SPATA13: variants seen among roughly 807,000 people sequenced by gnomAD.
The protein encoded by SPATA13 is spermatogenesis associated 13.
In SPATA13, 50 loss-of-function variants were observed where a neutral mutation model predicts 104.0. The observed-to-expected ratio is 0.48, with a 90% CI of 0.38 to 0.61. SPATA13 has a LOEUF of 0.61. SPATA13 is among the 20% of genes least tolerant of loss of function. SPATA13 has a pLI of 0.00. For missense variants in SPATA13, 1,524 were observed against 1,690.6 expected (o/e 0.90, Z 1.73); for synonymous variants, 606 against 667.5 (o/e 0.91, Z 1.42).
At chr13:24,055,676 C>T (rs1032069897) in intron 3 of SPATA13, among the ~76,000 whole-genome samples, 1 of 152,212 alleles carries the variant, frequency 6.6e-6, no homozygotes. Context: ...GGACTTTACT[C>T]GCCAGGTGCC....
intron 3 of SPATA13, among the ~76,000 whole-genome samples, chr13:24,056,332 G>T (rs1256676997): frequency 6.6e-6 from 1 of 152,218 alleles, no homozygotes; most frequent in Non-Finnish European, 1.5e-5. Context: ...TTGGAAAGGG[G>T]TGGACAGGCA....
intron 2 of SPATA13, 97 bp from the exon 3 acceptor site, chr13:24,249,380 G>A (rs1054541775): frequency 3.1e-5 from 44 of 1,397,984 alleles, no homozygotes; most frequent in Non-Finnish European, 3.9e-5. Context: ...AAGAAAACCC[G>A]AGGCACGGCT....
chr13:24,158,543 A>C (rs553836586), upstream of SPATA13, among the ~76,000 whole-genome samples: 22 of 152,338 alleles, frequency 1.4e-4, no homozygotes, highest in South Asian at 4.6e-3. Flanking sequence ...CCGCCTCTTC[A>C]TGTCAGATCA....
At chr13:24,092,639 A>G (rs2137792685) in intron 3 of SPATA13, among the ~76,000 whole-genome samples, 1 of 152,354 alleles carries the variant, frequency 6.6e-6, no homozygotes, top group East Asian at 1.9e-4. Context: ...ACTCTATACA[A>G]GAGAATATTT....
At position 24,051,821 on chromosome 13, in the gene SPATA13, C is replaced by A. The variant is rs1469795206; in HGVS notation, c.-112+34120C>A. ...CTGCTAAGAGTTATGTTCTCCAGGG[C>A]AGGGCAGAGGGAGATGCCCAAGGGA... is the stretch of plus-strand genomic sequence containing the variant. On this transcript the variant is annotated intron_variant, in intron 3 of 14. Transcript: ENST00000424834. This position sits in a 1 kb window ranked among gnomAD's most constrained non-coding sequence, Gnocchi z 4.2. Among the ~76,000 whole-genome samples the A allele has an allele frequency of 2.0e-5, 3 of 152,164 alleles. No individual in the cohort carries two copies. The highest frequency in any genetic ancestry group is 4.4e-5 in the Non-Finnish European group (3 of 68,030).
At chr13:24,202,460 G>A (rs1229942366) in intron 1 of SPATA13, among the ~76,000 whole-genome samples, 1 of 151,562 alleles carries the variant, frequency 6.6e-6, no homozygotes, top group Non-Finnish European at 1.5e-5. Context: ...GTGCTTGGGC[G>A]CTTTCTCCAG....
intron 1 of SPATA13, among the ~76,000 whole-genome samples, chr13:23,981,900 G>T (rs928178507): frequency 7.2e-5 from 11 of 152,206 alleles, no homozygotes; most frequent in African/African-American, 2.7e-4. Context: ...CTTTTTGGTT[G>T]AGATCTGAAG....
At chr13:24,229,954 A>G (rs1431099483) in intron 2 of SPATA13, among the ~76,000 whole-genome samples, 2 of 152,330 alleles carry the variant, frequency 1.3e-5, no homozygotes, top group East Asian at 1.9e-4. Flanking sequence ...GAGGACTTGC[A>G]GTTCTCACCC....
intron 3 of SPATA13, among the ~76,000 whole-genome samples, chr13:24,131,937 T>A (rs9318333): frequency 0.56 from 85,765 of 151,986 alleles, 24,399 homozygotes; most frequent in South Asian, 0.6. Flanking sequence ...CCCCTCAGGG[T>A]ACCAATGTGC....
intron 3 of SPATA13, among the ~76,000 whole-genome samples, chr13:24,121,284 A>G (rs1461015670): frequency 6.6e-6 from 1 of 152,184 alleles, no homozygotes; most frequent in Admixed American, 6.5e-5. Context: ...AATTCAAGTC[A>G]CTATCAGAGG....
intron 4 of SPATA13, among the ~76,000 whole-genome samples, chr13:24,281,301 C>CA (rs1875498605): frequency 6.6e-6 from 1 of 152,236 alleles, no homozygotes; most frequent in Non-Finnish European, 1.5e-5. Context: ...TCCTCACAGA[C>CA]ACAGGCCCTG....
At position 24,251,740 on chromosome 13, in the gene SPATA13, C is replaced by A. The variant is rs745517993; in HGVS notation, c.2042C>A (p.Pro681His). 1.9e-6 allele frequency: 3 copies of A among 1,614,160 alleles called. No homozygotes were observed. Among genetic ancestry groups the A allele is most frequent in the Non-Finnish European group, 2.5e-6 (3 of 1,180,002 alleles). Reference protein sequence around the residue: ...LTQPASRPPMPAHQVPPYKAV... With the variant: ...LTQPASRPPMHAHQVPPYKAV... ...CAGCCGGCTTCCAGGCCGCCCATGC[C>A]TGCTCACCAGGTGCCACCCTACAAG... is the stretch of plus-strand genomic sequence containing the variant. Residue 681 changes from proline to histidine, a missense_variant, in exon 4 of 13, where the codon CCT (proline) becomes CAT (histidine). Transcript: ENST00000382108.
chr13:24,302,459 C>CAAAAAAAAAAA (rs71070678), intron 12 of SPATA13, 139 bp from the exon 13 acceptor site: 1 of 179,452 alleles, frequency 5.6e-6, no homozygotes, highest in Non-Finnish European at 9.9e-6. Flanking sequence ...GACCCTGTCT[C>CAAAAAAAAAAA]AAAAAAAAAA....
chr13:24,211,230 T>A (rs556834858), intron 1 of SPATA13, among the ~76,000 whole-genome samples: 5 of 152,242 alleles, frequency 3.3e-5, no homozygotes, highest in Non-Finnish European at 7.3e-5. Context: ...TCCTTTCTGA[T>A]TCGGTTGCCT....
Position 24,292,009 on chromosome 13 carries a change from G to A in SPATA13, c.3080+1125G>A, listed in dbSNP as rs371374825. On this transcript the variant is annotated intron_variant, in intron 9 of 12. Transcript: ENST00000382108. ...CTGACCTCATGATCCACCCGCCTCG[G>A]CCTCCCAAAGTGCTGGGATTACAGG... 6.1e-4 allele frequency among the ~76,000 whole-genome samples: 93 copies of A among 152,062 alleles called. No homozygotes were observed. The East Asian group carries it at 0.015, about 25-fold the overall frequency.
intron 3 of SPATA13, among the ~76,000 whole-genome samples, chr13:24,115,926 G>A (rs1276606760): frequency 6.6e-6 from 1 of 152,166 alleles, no homozygotes. Flanking sequence ...TTACAACCTG[G>A]TAGCTGGCTT....
chr13:23,983,626 C>G (rs12584287), intron 1 of SPATA13: 3 of 147,610 alleles, frequency 2.0e-5, no homozygotes, highest in Admixed American at 6.8e-5. Context: ...TATTTTTACA[C>G]TAGTATATTC....
At chr13:24,292,528 CA>C (rs1217656107) in intron 9 of SPATA13, among the ~76,000 whole-genome samples, 1 of 152,184 alleles carries the variant, frequency 6.6e-6, no homozygotes, top group African/African-American at 2.4e-5. Context: ...AGGGTCATCT[CA>C]AAGGGTCCTA....
Position 24,240,026 on chromosome 13 carries a change from C to T in SPATA13, c.1654-9451C>T, listed in dbSNP as rs542435031. On this transcript the variant is annotated intron_variant, in intron 2 of 12. Transcript: ENST00000382108. The stretch of plus-strand genomic sequence containing the variant: ...CAGGCATAAAATTGCAACCTACGAC[C>T]GGGTGTGGTGGCTCACGCCTGTAAT... Among the ~76,000 whole-genome samples, 68 of 151,722 alleles carry T rather than the reference C, an allele frequency of 4.5e-4. 1 individual carries two copies. The highest frequency in any genetic ancestry group is 1.5e-3 in the African/African-American group (63 of 41,226).
Sources: allele counts gnomAD v4.1 joint callset (sites outside exome capture counted in the v4.1 genomes callset), GRCh38; gene constraint gnomAD v4.1.1; non-coding constraint Gnocchi (gnomAD v3.1); transcripts MANE v1.5; gene names NCBI Gene and HGNC (gene_info 2026-07-23, HGNC 2026-07-21).